Variants in ZNF83 observed in about 807,000 individuals in gnomAD.
ZNF83 encodes the protein zinc finger protein 816B.
For synonymous variants in ZNF83, 209 were observed against 213.0 expected, an observed-to-expected ratio of 0.98 and a Z score of 0.17; for missense variants, 552 against 629.9, an observed-to-expected ratio of 0.88 and a Z score of 1.32.
chr19:52,684,679 G>A (rs937935349), intron 1 of ZNF83, among the ~76,000 whole-genome samples: 2 of 151,746 alleles, frequency 1.3e-5, no homozygotes, highest in African/African-American at 4.8e-5. Flanking sequence ...GAGGGCATGG[G>A]AGACAGCTCT....
At chr19:52,648,176 A>T (rs1194234343) in intron 3 of ZNF83, among the ~76,000 whole-genome samples, 2 of 140,470 alleles carry the variant, frequency 1.4e-5, no homozygotes, top group African/African-American at 2.7e-5. Context: ...CACTTTTGTC[A>T]CCTCTTGGCA....
At chr19:52,640,743 A>C (rs1311005086), upstream of ZNF83, among the ~76,000 whole-genome samples, 1 of 152,128 alleles carries the variant, frequency 6.6e-6, no homozygotes, top group Non-Finnish European at 1.5e-5. Flanking sequence ...CCCCGACTGC[A>C]GGACTCTGCC....
chr19:52,651,142 C>G (rs2061436471), intron 3 of ZNF83: 1 of 152,196 alleles, frequency 6.6e-6, no homozygotes, highest in African/African-American at 2.4e-5. Context: ...AGCCATTAAT[C>G]AAACTGTTCA....
At chr19:52,635,296 C>T in intron 1 of ZNF83, 143 bp from the exon 2 acceptor site, 2 of 445,118 alleles carry the variant, frequency 4.5e-6, no homozygotes, top group Non-Finnish European at 7.9e-6. Flanking sequence ...TAAACTCCTA[C>T]AGGAAAACTC....
chr19:52,634,136 G>A (rs535871514), intron 2 of ZNF83, among the ~76,000 whole-genome samples: 1 of 152,062 alleles, frequency 6.6e-6, no homozygotes, highest in Admixed American at 6.5e-5. Context: ...GCCGGGTGTG[G>A]TGGCATGTAC....
chr19:52,679,266 G>A (rs1309932289), intron 1 of ZNF83, among the ~76,000 whole-genome samples: 1 of 152,130 alleles, frequency 6.6e-6, no homozygotes. Flanking sequence ...TTAGTTTATG[G>A]GATGAACATT....
chr19:52,658,639 G>A (rs1168255701), intron 2 of ZNF83, among the ~76,000 whole-genome samples: 2 of 152,124 alleles, frequency 1.3e-5, no homozygotes, highest in Admixed American at 6.5e-5. Flanking sequence ...TTGGAAGGCC[G>A]AAAGGTTATA....
At chr19:52,656,208 G>GTC (rs56734195) in intron 2 of ZNF83, among the ~76,000 whole-genome samples, 16,409 of 144,170 alleles carry the variant, frequency 0.11, 1,004 homozygotes, top group African/African-American at 0.16. Flanking sequence ...GTGAGACTCC[G>GTC]TCTCTCTCTC....
intron 1 of ZNF83, among the ~76,000 whole-genome samples, chr19:52,666,880 C>CAT (rs1175143525): frequency 6.6e-6 from 1 of 152,110 alleles, no homozygotes. Context: ...AATGGGTATT[C>CAT]AATAAGTGAT....
intron 1 of ZNF83, among the ~76,000 whole-genome samples, chr19:52,662,153 A>T (rs919932492): frequency 1.3e-5 from 2 of 152,258 alleles, no homozygotes; most frequent in East Asian, 3.8e-4. Flanking sequence ...TTTCATGTAT[A>T]CACACAACTT....
At chr19:52,615,264 G>A (rs2060264606) in intron 2 of ZNF83, among the ~76,000 whole-genome samples, 1 of 152,140 alleles carries the variant, frequency 6.6e-6, no homozygotes, top group Admixed American at 6.5e-5. Context: ...TGGCCTAAAT[G>A]TTTGCACTGA....
intron 1 of ZNF83, among the ~76,000 whole-genome samples, chr19:52,686,793 G>A (rs1037728685): frequency 1.3e-5 from 2 of 152,018 alleles, no homozygotes; most frequent in Non-Finnish European, 2.9e-5. Context: ...GGCTGCTCTT[G>A]AACTCCTGAC....
chr19:52,629,089 C>T (rs1439798720), intron 2 of ZNF83, among the ~76,000 whole-genome samples: 2 of 152,002 alleles, frequency 1.3e-5, no homozygotes, highest in Non-Finnish European at 2.9e-5. Context: ...GAACTTAAAA[C>T]CTCTTCAACT....
chr19:52,630,392 C>T (rs984999871), intron 2 of ZNF83, among the ~76,000 whole-genome samples: 3 of 152,196 alleles, frequency 2.0e-5, no homozygotes, highest in Non-Finnish European at 4.4e-5. Context: ...GGGCCTGTTT[C>T]TCTTGCCTCC....
At chr19:52,652,528 C>T in intron 3 of ZNF83, 1 of 454,594 alleles carries the variant, frequency 2.2e-6, no homozygotes. Flanking sequence ...TGAAGCTTGA[C>T]TGAAGACCTT....
intron 1 of ZNF83, among the ~76,000 whole-genome samples, chr19:52,684,910 G>A (rs950442564): frequency 1.3e-5 from 2 of 152,184 alleles, no homozygotes; most frequent in Non-Finnish European, 2.9e-5. Flanking sequence ...TGAGGAGTTG[G>A]GCTTTTGTCC....
chr19:52,635,014 AG>A, intron 2 of ZNF83, 51 bp downstream of exon 2: 1 of 729,184 alleles, frequency 1.4e-6, no homozygotes, highest in Admixed American at 2.0e-5. Context: ...TCCAAGGCCC[AG>A]GGTTTCTGAA....
rs575717398 is a variant in ZNF83 at position 52,627,204 on chromosome 19, C to CT, written c.-234+7861dup. 3.9e-3 allele frequency among the ~76,000 whole-genome samples: 601 copies of CT among 152,298 alleles called. 20 individuals are homozygous for CT. The highest frequency in any genetic ancestry group is 0.035 in the Admixed American group (538 of 15,298). On this transcript the variant is annotated intron_variant, in intron 2 of 2. Transcript: ENST00000301096. ...CTATAAAACTGCCCCACCCCATCTC[C>CT]TTTTGCTGACTTCTTTTTCAGACCC...
intron 1 of ZNF83, among the ~76,000 whole-genome samples, chr19:52,680,829 G>T (rs919813248): frequency 1.3e-5 from 2 of 149,902 alleles, no homozygotes; most frequent in African/African-American, 4.9e-5. Flanking sequence ...AGCCAGGATG[G>T]TCTCGATCTC....
Sources: gnomAD v4.1 joint callset for allele counts (sites outside exome capture counted in the v4.1 genomes callset) on GRCh38, gnomAD v4.1.1 for gene constraint, MANE v1.5 for transcripts, NCBI Gene and HGNC (gene_info 2026-07-23, HGNC 2026-07-21) for gene names.